The following KMT2B variants were observed in gnomAD, a reference collection of about 807,000 sequenced individuals.
KMT2B encodes lysine methyltransferase 2B, also known as histone-lysine N-methyltransferase 2B.
Under a neutral mutation model 255.3 loss-of-function variants are expected in KMT2B, and 22 were observed. The ratio of observed to expected loss-of-function variants is 0.09; its 90% CI spans 0.06 to 0.12. The LOEUF is 0.12. Among genes scored for constraint, KMT2B ranks in the 10% least tolerant of loss-of-function variants. The pLI, the probability that KMT2B is intolerant of heterozygous loss-of-function variation, is 1.00. For synonymous variants in KMT2B, 1,730 were observed against 1,498.1 expected, an observed-to-expected ratio of 1.15 and a Z score of -3.57; for missense variants, 3,149 against 3,737.0, an observed-to-expected ratio of 0.84 and a Z score of 4.10.
rs1969259101 is a variant in KMT2B at position 35,722,476 on chromosome 19, T to C, written c.2571+4T>C. 6.2e-7 allele frequency: 1 copy of C among 1,606,546 alleles called. No individual in the cohort carries two copies. The highest frequency in any genetic ancestry group is 1.3e-5 in the African/African-American group (1 of 74,928). ...AGCTAAGAGAGAGCGGCCCTCAGTA[T>C]GCATCGGGAGGAGGGCCCTGAAGAA... On this transcript the variant is annotated splice_donor_region_variant and intron_variant, in intron 4 of 36. Transcript: ENST00000420124.
At position 35,727,144 on chromosome 19, in the gene KMT2B, C is replaced by T. The variant is rs777852408; in HGVS notation, c.4004-12C>T. Reference sequence around the variant, plus strand: ...TCCAGCACCTCTGACTCCTTCTCTTCCCTTTCTCTAGGAAACTACTGCCCG... The same window carrying T: ...TCCAGCACCTCTGACTCCTTCTCTTTCCTTTCTCTAGGAAACTACTGCCCG... On this transcript the variant is annotated splice_polypyrimidine_tract_variant and intron_variant, in intron 14 of 36. Transcript: ENST00000420124. This position sits in a 1 kb window ranked among gnomAD's most constrained non-coding sequence, Gnocchi z 4.2. The T allele has an allele frequency of 1.3e-6, 2 of 1,595,530 alleles. No homozygotes were observed. Among genetic ancestry groups the T allele is most frequent in the Non-Finnish European group, 1.7e-6 (2 of 1,167,548 alleles).
chr19:35,734,118 T>C (rs530997979), intron 30 of KMT2B, among the ~76,000 whole-genome samples: 1 of 152,086 alleles, frequency 6.6e-6, no homozygotes, highest in Admixed American at 6.5e-5. Flanking sequence ...CCCAAGAGCC[T>C]AGGGGAGGGC....
intron 19 of KMT2B, among the ~76,000 whole-genome samples, chr19:35,728,418 C>T (rs976254571): frequency 5.3e-5 from 8 of 152,076 alleles, no homozygotes; most frequent in Non-Finnish European, 7.3e-5. Context: ...GCTTAAAGAG[C>T]TCATTGTGGA....
Position 35,732,756 on chromosome 19 carries a change from C to T in KMT2B, c.6207C>T (p.Asp2069=). ...EQLDGVDDGT[D]SEAEAVQQPR... ...TGGACGGCGTGGACGACGGCACTGA[C>T]AGTGAGGCTGAGGCGGTGCAGCAGC... Residue 2069 remains aspartate, a synonymous_variant, in exon 28 of 37, where the codon GAC becomes GAT. Coordinates refer to ENST00000420124, the MANE Select transcript of KMT2B (RefSeq NM_014727.3). The T allele has an allele frequency of 2.5e-6, 4 of 1,610,394 alleles. No individual in the cohort carries two copies. Among genetic ancestry groups the T allele is most frequent in the African/African-American group, 2.7e-5 (2 of 75,014 alleles).
In KMT2B at chr19:35,727,694, G is replaced by A. The variant is rs1343682844; in HGVS notation, c.4303-4G>A. 2 of 1,613,546 alleles carry A rather than the reference G, an allele frequency of 1.2e-6. No homozygotes were observed. The highest frequency in any genetic ancestry group is 1.3e-5 in the African/African-American group (1 of 74,940). On this transcript the variant is annotated splice_polypyrimidine_tract_variant and splice_region_variant and intron_variant, in intron 16 of 36. Coordinates refer to ENST00000420124, the MANE Select transcript of KMT2B (RefSeq NM_014727.3). This position sits in a 1 kb window ranked among gnomAD's most constrained non-coding sequence, Gnocchi z 4.2. ...CCAGCCCTGCTAACTTCCCCGCTTTGCAGTGTGGGCCAGATGGGAAGCAAC... is the reference window on the plus strand; with the variant it reads ...CCAGCCCTGCTAACTTCCCCGCTTTACAGTGTGGGCCAGATGGGAAGCAAC...
At position 35,733,759 on chromosome 19, in the gene KMT2B, G is replaced by A. The variant is rs767484489; in HGVS notation, c.7050-4G>A. 8 of 1,612,078 alleles carry A rather than the reference G, an allele frequency of 5.0e-6. No homozygotes were observed. Among genetic ancestry groups the A allele is most frequent in the South Asian group, 3.3e-5 (3 of 90,922 alleles). On this transcript the variant is annotated splice_region_variant and splice_polypyrimidine_tract_variant and intron_variant, in intron 29 of 36. Transcript: ENST00000420124. The surrounding 1 kb of genome is among the most constrained non-coding windows in gnomAD (Gnocchi z 4.3). The stretch of plus-strand genomic sequence containing the variant: ...TCCCCTTCCTGACAGGTCTCTTCTC[G>A]CAGGCCCCTCCAGGAACGGTCCCCT...
At position 35,727,390 on chromosome 19, in the gene KMT2B, C is replaced by G. The variant is rs1568375819; in HGVS notation, c.4118-48C>G. The G allele has an allele frequency of 1.0e-5, 16 of 1,607,342 alleles. No individual in the cohort carries two copies. The highest frequency in any genetic ancestry group is 8.0e-5 in the African/African-American group (6 of 74,786). ...GCTGGCCTAGGGGCTGCTGGGAGCC[C>G]TCACATCCTCTGAAACCACTTTTCC... On this transcript the variant is annotated intron_variant, in intron 15 of 36. Transcript: ENST00000420124. The surrounding 1 kb of genome is among the most constrained non-coding windows in gnomAD (Gnocchi z 4.2).
chr19:35,734,420 G>A (rs1396761000), intron 30 of KMT2B, among the ~76,000 whole-genome samples: 1 of 152,186 alleles, frequency 6.6e-6, no homozygotes, highest in East Asian at 1.9e-4. Flanking sequence ...GTTGAAGAAG[G>A]CAAAACAGCC....
chr19:35,726,419 C>A, intron 14 of KMT2B, 66 bp downstream of exon 14: 1 of 1,053,018 alleles, frequency 9.5e-7, no homozygotes. Context: ...CTTTTACAGG[C>A]TTTAGCACAG....
In KMT2B at chr19:35,732,431, C is replaced by T. The variant is rs1949982766; in HGVS notation, c.5882C>T (p.Pro1961Leu). ...LTPTSGELAP[P>L]GPAPSPPPPE... Reference sequence around the variant, plus strand: ...CCTACCTCAGGGGAGCTGGCTCCCCCTGGCCCGGCCCCATCTCCACCACCC... The same window carrying T: ...CCTACCTCAGGGGAGCTGGCTCCCCTTGGCCCGGCCCCATCTCCACCACCC... The change falls in exon 28 of 37, where the codon CCT (proline) becomes CTT (leucine). Residue 1961 changes from proline to leucine, a missense_variant. Coordinates refer to ENST00000420124, the MANE Select transcript of KMT2B (RefSeq NM_014727.3). 2 of 1,613,552 alleles carry T rather than the reference C, an allele frequency of 1.2e-6. No individual in the cohort carries two copies. The highest frequency in any genetic ancestry group is 1.3e-5 in the African/African-American group (1 of 74,940).
intron 8 of KMT2B, 29 bp downstream of exon 8, chr19:35,724,036 G>C: frequency 7.8e-6 from 12 of 1,542,570 alleles, no homozygotes; most frequent in Non-Finnish European, 9.6e-6. Context: ...TTTCTCTGTT[G>C]ATCATTTATT....
chr19:35,732,530 C>T lies in KMT2B; in HGVS notation c.5981C>T (p.Ala1994Val), dbSNP rs546000224. The change falls in exon 28 of 37, where the codon GCG becomes GTG. Residue 1994 changes from alanine (A) to valine (V), a missense_variant. Coordinates refer to ENST00000420124, the MANE Select transcript of KMT2B (RefSeq NM_014727.3). The stretch of plus-strand genomic sequence containing the variant: ...CTGAGTGCTGCTGACCTGGACTTCG[C>T]GGCCAGCCTGCTGGGGACTGAGCCC... ...SGLSAADLDF[A>V]ASLLGTEPFQ... 7.2e-5 allele frequency: 117 copies of T among 1,613,926 alleles called. 1 individual carries two copies. Among genetic ancestry groups the T allele is most frequent in the South Asian group, 6.8e-4 (62 of 91,086 alleles).
At position 35,736,807 on chromosome 19, in the gene KMT2B, T is replaced by C; in HGVS notation, c.7277T>C (p.Val2426Ala). Residue 2426 changes from valine (V) to alanine (A), a missense_variant, in exon 31 of 37, where the codon GTT becomes GCT. Val to Ala is a moderately conservative substitution (Grantham distance 64). Around this residue, in one of 18 missense-constraint regions of KMT2B, gnomAD observed 103 missense variants for 200.7 expected, o/e 0.51. Coordinates refer to ENST00000420124, the MANE Select transcript of KMT2B (RefSeq NM_014727.3). ...ATCAGCAGTGAGGATGGGTTCAGCG[T>C]TGAGGCAGAGAGCTTGGAGGGTGAG... ...FEISSEDGFSVEAESLEGAWR... is the reference protein window; with the variant it reads ...FEISSEDGFSAEAESLEGAWR... 1 of 1,613,948 alleles carries C rather than the reference T, an allele frequency of 6.2e-7. No individual in the cohort carries two copies. The highest frequency in any genetic ancestry group is 8.5e-7 in the Non-Finnish European group (1 of 1,179,862).
intron 18 of KMT2B, 51 bp from the exon 19 acceptor site, chr19:35,728,047 C>G: frequency 6.4e-7 from 1 of 1,560,754 alleles, no homozygotes; most frequent in East Asian, 2.4e-5. Flanking sequence ...CTGCCCCTGC[C>G]AGCTCTCCTG....
intron 5 of KMT2B, 96 bp downstream of exon 5, chr19:35,722,814 G>C: frequency 6.8e-7 from 1 of 1,477,452 alleles, no homozygotes; most frequent in Non-Finnish European, 9.0e-7. Context: ...AGCCAAGTCA[G>C]GTGCTCAGGG....
chr19:35,730,781 G>A lies in KMT2B; in HGVS notation c.5351G>A (p.Arg1784Gln), dbSNP rs754543672. ...CWYRCRILEY[R>Q]PWGPREEPAH... ...TATCGGTGCCGAATTCTGGAGTATC[G>A]GCCATGGGGGCCGAGGGAAGAGCCA... Residue 1784 changes from arginine (R) to glutamine (Q), a missense_variant, in exon 26 of 37, where the codon CGG becomes CAG. By Grantham distance (43) the Arg-to-Gln change is conservative. Transcript: ENST00000420124. The A allele has an allele frequency of 2.5e-6, 4 of 1,613,770 alleles. No individual in the cohort carries two copies. The highest frequency in any genetic ancestry group is 2.2e-5 in the East Asian group (1 of 44,888).
chr19:35,722,794 G>GGA, intron 5 of KMT2B, 76 bp downstream of exon 5: 1 of 1,510,954 alleles, frequency 6.6e-7, no homozygotes, highest in Non-Finnish European at 8.8e-7. Flanking sequence ...CAAGAGCCTA[G>GGA]GAGAGAGGGA....
chr19:35,735,271 T>G (rs1004423737), intron 30 of KMT2B: 3 of 151,556 alleles, frequency 2.0e-5, no homozygotes, highest in Non-Finnish European at 4.4e-5. Context: ...ATCGGGAGAG[T>G]GTGGCCATGT....
At position 35,728,680 on chromosome 19, in the gene KMT2B, C is replaced by T. The variant is rs551235234; in HGVS notation, c.4572-94C>T. 5.6e-5 allele frequency: 47 copies of T among 838,840 alleles called. No homozygotes were observed. The African/African-American group carries it at 6.0e-4, about 11-fold the overall frequency. The allele number at this position is 838,840 out of a possible 1,614,324, so 52.0% of individuals were successfully genotyped here. ...GAAATTCCACATAGAGAGGGAGTAGCGGGTGTCATGGCGAGTTCAGGCTGG... is the reference window on the plus strand; with the variant it reads ...GAAATTCCACATAGAGAGGGAGTAGTGGGTGTCATGGCGAGTTCAGGCTGG... On this transcript the variant is annotated intron_variant, in intron 19 of 36. Coordinates refer to ENST00000420124, the MANE Select transcript of KMT2B (RefSeq NM_014727.3).
Sources: allele counts gnomAD v4.1 joint callset (sites outside exome capture counted in the v4.1 genomes callset), GRCh38; gene constraint gnomAD v4.1.1; regional missense constraint gnomAD v4.1.1; non-coding constraint Gnocchi (gnomAD v3.1); transcripts MANE v1.5; gene names NCBI Gene and HGNC (gene_info 2026-07-23, HGNC 2026-07-21).